The following TNFAIP8 variants were observed in gnomAD, a reference collection of about 807,000 sequenced individuals.
TNFAIP8 encodes TNF alpha induced protein 8, also known as tumor necrosis factor alpha-induced protein 8.
A neutral mutation model predicts 13.3 loss-of-function variants in TNFAIP8; 7 were observed. The ratio of observed to expected loss-of-function variants is 0.52; its 90% CI spans 0.30 to 0.99. TNFAIP8 has a LOEUF of 0.99. TNFAIP8 is among the 50% of genes least tolerant of loss of function. The pLI, the probability that TNFAIP8 is intolerant of heterozygous loss-of-function variation, is 0.07. For synonymous variants in TNFAIP8, 94 were observed against 87.6 expected (o/e 1.07, Z -0.41); for missense variants, 258 against 236.9 (o/e 1.09, Z -0.58).
intron 1 of TNFAIP8, among the ~76,000 whole-genome samples, chr5:119,384,441 C>T (rs1456677512): frequency 1.3e-5 from 2 of 151,986 alleles, no homozygotes; most frequent in East Asian, 3.9e-4. Context: ...CGAGATTGTG[C>T]CATTTCACTC....
intron 1 of TNFAIP8, among the ~76,000 whole-genome samples, chr5:119,325,460 A>AT (rs1470735129): frequency 6.6e-6 from 1 of 151,794 alleles, no homozygotes; most frequent in African/African-American, 2.4e-5. Flanking sequence ...TTATTTATTT[A>AT]TTTTTGAGAC....
intron 1 of TNFAIP8, among the ~76,000 whole-genome samples, chr5:119,326,767 G>A (rs1166831318): frequency 6.6e-6 from 1 of 152,168 alleles, no homozygotes; most frequent in African/African-American, 2.4e-5. Flanking sequence ...AGAAAGCAGA[G>A]GAGTGTTTTG....
chr5:119,335,844 T>C (rs1317402692), intron 1 of TNFAIP8, among the ~76,000 whole-genome samples: 1 of 151,802 alleles, frequency 6.6e-6, no homozygotes, highest in Non-Finnish European at 1.5e-5. Context: ...GAAAAAGATA[T>C]TTTCAAGCTG....
intron 1 of TNFAIP8, among the ~76,000 whole-genome samples, chr5:119,381,111 G>A (rs1012213423): frequency 2.6e-5 from 4 of 152,212 alleles, no homozygotes; most frequent in Non-Finnish European, 4.4e-5. Flanking sequence ...TGCAATCCTG[G>A]AGATTCTGAT....
At chr5:119,338,163 T>C (rs910091832) in intron 1 of TNFAIP8, among the ~76,000 whole-genome samples, 6 of 67,176 alleles carry the variant, frequency 8.9e-5, no homozygotes, top group Non-Finnish European at 1.4e-4. Flanking sequence ...ATCTGGAACT[T>C]TGACACACAC....
intron 1 of TNFAIP8, among the ~76,000 whole-genome samples, chr5:119,324,745 A>G (rs1267369159): frequency 3.9e-5 from 6 of 152,020 alleles, no homozygotes; most frequent in African/African-American, 1.4e-4. Context: ...AAAAAAAAAG[A>G]GGCACTCCTT....
intron 1 of TNFAIP8, among the ~76,000 whole-genome samples, chr5:119,283,715 C>T (rs1396414753): frequency 6.6e-6 from 1 of 152,042 alleles, no homozygotes; most frequent in Non-Finnish European, 1.5e-5. Context: ...CTCTTCTCTG[C>T]TGTGGCTGGG....
At chr5:119,314,701 A>C (rs1212122143) in intron 1 of TNFAIP8, among the ~76,000 whole-genome samples, 1 of 152,226 alleles carries the variant, frequency 6.6e-6, no homozygotes, top group African/African-American at 2.4e-5. Context: ...GCCAGAGAGA[A>C]ATAGGTCCAG....
At chr5:119,378,726 G>A (rs1022153240) in intron 1 of TNFAIP8, among the ~76,000 whole-genome samples, 4 of 152,160 alleles carry the variant, frequency 2.6e-5, no homozygotes, top group African/African-American at 9.7e-5. Flanking sequence ...GGGAAGAAAA[G>A]CAATAGATTA....
chr5:119,280,562 C>T (rs1748597703), intron 1 of TNFAIP8, among the ~76,000 whole-genome samples: 1 of 152,162 alleles, frequency 6.6e-6, no homozygotes, highest in Admixed American at 6.5e-5. Context: ...ATTCAGGTCT[C>T]ATCCCTTTGG....
rs184449297 is a variant in TNFAIP8 at position 119,313,263 on chromosome 5, T to C, written c.1+44356T>C. 3.2e-4 allele frequency among the ~76,000 whole-genome samples: 48 copies of C among 152,360 alleles called. 1 individual carries two copies. Among genetic ancestry groups the C allele is most frequent in the Middle Eastern group, 6.8e-3 (2 of 294 alleles). On this transcript the variant is annotated intron_variant, in intron 1 of 1. Coordinates refer to the TNFAIP8 transcript ENST00000274456. ...ACAGCTCCAAAGAAAATTCTTCTGC[T>C]TATTTTAAAAGCCCACTTTTTGAAA...
intron 1 of TNFAIP8, among the ~76,000 whole-genome samples, chr5:119,358,366 A>C (rs1751515806): frequency 6.6e-6 from 1 of 152,218 alleles, no homozygotes; most frequent in Non-Finnish European, 1.5e-5. Flanking sequence ...TTGTTAAGCC[A>C]TCAGAGCTTA....
chr5:119,310,616 C>A (rs913258860), intron 1 of TNFAIP8, among the ~76,000 whole-genome samples: 1 of 152,168 alleles, frequency 6.6e-6, no homozygotes, highest in Admixed American at 6.5e-5. Context: ...AGGTAGATCA[C>A]TTGAGGTCAG....
intron 1 of TNFAIP8, among the ~76,000 whole-genome samples, chr5:119,332,261 C>G (rs574796642): frequency 4.1e-4 from 62 of 152,270 alleles, no homozygotes; most frequent in African/African-American, 1.5e-3. Flanking sequence ...CTATGTGCAT[C>G]AGGCAATATG....
At chr5:119,346,335 GTGTTTGCAGCAGCC>G (rs1427846571) in intron 1 of TNFAIP8, among the ~76,000 whole-genome samples, 1 of 152,164 alleles carries the variant, frequency 6.6e-6, no homozygotes. Flanking sequence ...GGAGCCATGC[GTGTTTGCAGCAGCC>G]TGCAGAAAGA....
intron 1 of TNFAIP8, among the ~76,000 whole-genome samples, chr5:119,284,443 G>C (rs1295545093): frequency 6.6e-6 from 1 of 152,152 alleles, no homozygotes; most frequent in East Asian, 1.9e-4. Context: ...CACTTTGGGA[G>C]GCTGAGATGG....
chr5:119,319,483 T>C (rs1156662347), intron 1 of TNFAIP8, among the ~76,000 whole-genome samples: 1 of 152,210 alleles, frequency 6.6e-6, no homozygotes, highest in Admixed American at 6.5e-5. Context: ...AATTTTCTCC[T>C]ATCTGAGAGT....
intron 1 of TNFAIP8, among the ~76,000 whole-genome samples, chr5:119,278,348 AG>A (rs779136363): frequency 7.1e-4 from 1 of 1,414 alleles, no homozygotes; most frequent in Non-Finnish European, 2.5e-3. Flanking sequence ...TAAGACAGGA[AG>A]GGGGAGAGAG....
chr5:119,276,720 A>T (rs1054386586), intron 1 of TNFAIP8, among the ~76,000 whole-genome samples: 1 of 152,190 alleles, frequency 6.6e-6, no homozygotes, highest in Non-Finnish European at 1.5e-5. Context: ...ATATTAGATT[A>T]GGGTCCCACC....
Sources: allele counts gnomAD v4.1 joint callset (sites outside exome capture counted in the v4.1 genomes callset), GRCh38; gene constraint gnomAD v4.1.1; transcripts MANE v1.5; gene names NCBI Gene and HGNC (gene_info 2026-07-23, HGNC 2026-07-21).